WDR5: variants seen among roughly 807,000 people sequenced by gnomAD.
WDR5 encodes the protein WD repeat-containing protein 5.
For synonymous variants in WDR5, 144 were observed against 161.6 expected (o/e 0.89, Z 0.83); for missense variants, 187 against 416.9 (o/e 0.45, Z 4.80).
chr9:134,158,164 A>C lies in WDR5; in HGVS notation c.*171A>C. 1.7e-6 allele frequency: 1 copy of C among 576,300 alleles called. No individual in the cohort carries two copies. Among genetic ancestry groups the C allele is most frequent in the Non-Finnish European group, 3.1e-6 (1 of 324,930 alleles). 35.7% of individuals were successfully genotyped at this position (576,300 alleles called of 1,614,324 possible). ...CCGAGCGGAAGGTGTGGACCACCGG[A>C]AAGTTCTTAAAAGTTGCTGGTGACA... On this transcript the variant is annotated 3_prime_UTR_variant, in exon 14 of 14. Transcript: ENST00000358625.
rs117399120 is a variant in WDR5 at position 134,138,499 on chromosome 9, C to T, written c.-58-1321C>T. Among the ~76,000 whole-genome samples, 807 of 152,312 alleles carry T rather than the reference C, an allele frequency of 5.3e-3. 3 individuals are homozygous for T. Among genetic ancestry groups the T allele is most frequent in the Non-Finnish European group, 9.7e-3 (658 of 68,034 alleles). On this transcript the variant is annotated intron_variant, in intron 1 of 13. Coordinates refer to ENST00000358625, the MANE Select transcript of WDR5 (RefSeq NM_017588.3). The stretch of plus-strand genomic sequence containing the variant: ...TAGGTTGCACTAATGACAAGTACCA[C>T]GTAGCTGGCATTTACCGAGGACCGG...
At chr9:134,152,782 C>T (rs1049160818) in intron 9 of WDR5, among the ~76,000 whole-genome samples, 1 of 152,204 alleles carries the variant, frequency 6.6e-6, no homozygotes, top group Non-Finnish European at 1.5e-5. Flanking sequence ...CCAAGCCCCA[C>T]AGGCTGGGAG....
At chr9:134,156,224 G>T (rs1293141541) in intron 12 of WDR5, among the ~76,000 whole-genome samples, 12 of 152,236 alleles carry the variant, frequency 7.9e-5, no homozygotes, top group Non-Finnish European at 1.5e-5. Context: ...AGGGTGACCT[G>T]AGAAGCATCT....
In WDR5 at chr9:134,141,965, C is replaced by T. The variant is rs762867630; in HGVS notation, c.281C>T (p.Ala94Val). 6.2e-7 allele frequency: 1 copy of T among 1,614,192 alleles called. No homozygotes were observed. The highest frequency in any genetic ancestry group is 1.1e-5 in the South Asian group (1 of 91,088). ...CTCCCCAAGGGAATATCCGATGTAG[C>T]CTGGTCGTCAGATTCTAACCTTCTT... ...SGHKLGISDV[A>V]WSSDSNLLVS... The change falls in exon 5 of 14, where the codon GCC becomes GTC. Residue 94 changes from alanine to valine, a missense_variant. Physicochemically the swap from Ala to Val is moderately conservative, Grantham distance 64 (BLOSUM62 0). Coordinates refer to ENST00000358625, the MANE Select transcript of WDR5 (RefSeq NM_017588.3).
At chr9:134,136,459 A>G (rs1379683352) in intron 1 of WDR5, among the ~76,000 whole-genome samples, 3 of 151,698 alleles carry the variant, frequency 2.0e-5, no homozygotes, top group African/African-American at 7.3e-5. Context: ...CGGACCGCTG[A>G]CAAGGCCAGA....
At position 134,151,221 on chromosome 9, in the gene WDR5, C is replaced by T. The variant is rs1032238779; in HGVS notation, c.585-762C>T. 3.9e-5 allele frequency among the ~76,000 whole-genome samples: 6 copies of T among 152,178 alleles called. No homozygotes were observed. In the South Asian group the frequency reaches 6.2e-4, roughly 16 times the overall value. On this transcript the variant is annotated intron_variant, in intron 8 of 13. Coordinates refer to ENST00000358625, the MANE Select transcript of WDR5 (RefSeq NM_017588.3). ...AAGTGTCTGAGGTCCAGTGTGGTCTCGTCCCTGGATTATTGAAGTGTGGGC... is the reference window on the plus strand; with the variant it reads ...AAGTGTCTGAGGTCCAGTGTGGTCTTGTCCCTGGATTATTGAAGTGTGGGC...
intron 8 of WDR5, among the ~76,000 whole-genome samples, chr9:134,148,734 C>T (rs772176987): frequency 4.6e-5 from 7 of 152,224 alleles, no homozygotes; most frequent in African/African-American, 7.2e-5. Context: ...TGTGAGGATG[C>T]GTCACCATCC....
At chr9:134,155,394 G>A (rs981671831) in intron 11 of WDR5, 21 bp downstream of exon 11, 5 of 1,597,914 alleles carry the variant, frequency 3.1e-6, no homozygotes, top group African/African-American at 2.7e-5. Flanking sequence ...GCAGGCTTGG[G>A]CCCCCATGGT....
intron 1 of WDR5, among the ~76,000 whole-genome samples, chr9:134,137,680 A>AAAC (rs1554725597): frequency 3.6e-5 from 5 of 137,718 alleles, no homozygotes; most frequent in Non-Finnish European, 8.1e-5. Context: ...AAAAAAAACA[A>AAAC]AAACAAAAAA....
chr9:134,156,711 C>T lies in WDR5; in HGVS notation c.904+118C>T, dbSNP rs1003459099. 131 of 933,128 alleles carry T rather than the reference C, an allele frequency of 1.4e-4. 2 individuals carry two copies. Among genetic ancestry groups the T allele is most frequent in the South Asian group, 3.5e-4 (22 of 63,604 alleles). 57.8% of individuals were successfully genotyped at this position (933,128 alleles called of 1,614,324 possible). On this transcript the variant is annotated intron_variant, in intron 13 of 13. Coordinates refer to ENST00000358625, the MANE Select transcript of WDR5 (RefSeq NM_017588.3). ...TCTTCCCCTTCCCACCTCAGCCCTC[C>T]GCTGGCCCCGCTGAGGAACCGCTGC...
Position 134,156,576 on chromosome 9 carries a change from A to G in WDR5, c.887A>G (p.Lys296Arg). 1 of 1,614,202 alleles carries G rather than the reference A, an allele frequency of 6.2e-7. No individual in the cohort carries two copies. The highest frequency in any genetic ancestry group is 8.5e-7 in the Non-Finnish European group (1 of 1,180,028). ...WNLQTKEIVQKLQGHTDVVIS... is the reference protein window; with the variant it reads ...WNLQTKEIVQRLQGHTDVVIS... Reference sequence around the variant, plus strand: ...CTTCAGACGAAAGAGATTGTACAGAAACTACAAGGCCACACAGGTGAGGGC... The same window carrying G: ...CTTCAGACGAAAGAGATTGTACAGAGACTACAAGGCCACACAGGTGAGGGC... Residue 296 changes from lysine (K) to arginine (R), a missense_variant, in exon 13 of 14, where the codon AAA becomes AGA. Physicochemically the swap from Lys to Arg is conservative, Grantham distance 26. Coordinates refer to ENST00000358625, the MANE Select transcript of WDR5 (RefSeq NM_017588.3).
At chr9:134,155,913 A>C (rs1832722676) in intron 12 of WDR5, 146 bp downstream of exon 12, 2 of 746,574 alleles carry the variant, frequency 2.7e-6, no homozygotes, top group Admixed American at 2.5e-5. Flanking sequence ...CACTGCGCCA[A>C]GTACCGGGGA....
intron 12 of WDR5, 51 bp downstream of exon 12, chr9:134,155,818 G>A (rs1476195410): frequency 7.7e-6 from 12 of 1,556,056 alleles, no homozygotes; most frequent in Middle Eastern, 1.8e-4. Context: ...TTACTCTCCC[G>A]AGAGGTCACA....
At chr9:134,156,623 C>G in intron 13 of WDR5, 30 bp downstream of exon 13, 1 of 1,609,844 alleles carries the variant, frequency 6.2e-7, no homozygotes, top group Non-Finnish European at 8.5e-7. Flanking sequence ...CAGTCACTGG[C>G]TGCCTGTTGA....
At chr9:134,138,929 C>T (rs1486758297) in intron 1 of WDR5, among the ~76,000 whole-genome samples, 1 of 152,198 alleles carries the variant, frequency 6.6e-6, no homozygotes, top group Non-Finnish European at 1.5e-5. Flanking sequence ...AATGCTGTCC[C>T]TCCTTTCCAA....
chr9:134,139,805 C>T lies in WDR5; in HGVS notation c.-58-15C>T. On this transcript the variant is annotated splice_polypyrimidine_tract_variant and intron_variant, in intron 1 of 13. Coordinates refer to ENST00000358625, the MANE Select transcript of WDR5 (RefSeq NM_017588.3). ...GTTTGTTTCTTGGCTCCCTGTTCTG[C>T]ATCTCGCTCAACAGACTGCCTCTGT... 6.6e-7 allele frequency: 1 copy of T among 1,514,044 alleles called. No homozygotes were observed. The highest frequency in any genetic ancestry group is 1.4e-5 in the African/African-American group (1 of 72,808). 93.8% of individuals were successfully genotyped at this position (1,514,044 alleles called of 1,614,324 possible).
chr9:134,156,785 A>C lies in WDR5; in HGVS notation c.904+192A>C, dbSNP rs563023450. 2.6e-5 allele frequency among the ~76,000 whole-genome samples: 4 copies of C among 152,314 alleles called. No homozygotes were observed. In the South Asian group the frequency reaches 8.3e-4, roughly 32 times the overall value. ...GAGCTGGTCACTGTGCTGCCGACTC[A>C]GACCCGGGCTCCTGGCTTGAACCCT... On this transcript the variant is annotated intron_variant, in intron 13 of 13. Transcript: ENST00000358625.
Position 134,157,307 on chromosome 9 carries a change from G to A in WDR5, c.905-586G>A, listed in dbSNP as rs568060743. Among the ~76,000 whole-genome samples the A allele has an allele frequency of 1.3e-5, 2 of 152,168 alleles. No homozygotes were observed. Among genetic ancestry groups the A allele is most frequent in the South Asian group, 2.1e-4 (1 of 4,826 alleles). ...GGCGTTCTGGGGTTCTTTGGTTTACGTAGAAGCTGTAAACACTTTGATGTG... is the reference window on the plus strand; with the variant it reads ...GGCGTTCTGGGGTTCTTTGGTTTACATAGAAGCTGTAAACACTTTGATGTG... On this transcript the variant is annotated intron_variant, in intron 13 of 13. Coordinates refer to ENST00000358625, the MANE Select transcript of WDR5 (RefSeq NM_017588.3). This position sits in a 1 kb window ranked among gnomAD's most constrained non-coding sequence, Gnocchi z 5.0.
chr9:134,156,714 T>G (rs1832760965), intron 13 of WDR5, 121 bp downstream of exon 13: 7 of 936,890 alleles, frequency 7.5e-6, no homozygotes, highest in Non-Finnish European at 1.1e-5. Context: ...AGCCCTCCGC[T>G]GGCCCCGCTG....
Sources: allele counts gnomAD v4.1 joint callset (sites outside exome capture counted in the v4.1 genomes callset), GRCh38; gene constraint gnomAD v4.1.1; non-coding constraint Gnocchi (gnomAD v3.1); transcripts MANE v1.5; gene names NCBI Gene and HGNC (gene_info 2026-07-23, HGNC 2026-07-21).